The following ANO3 variants were observed in gnomAD, a reference collection of about 807,000 sequenced individuals.
The protein encoded by ANO3 is anoctamin 3.
Under a neutral mutation model 144.8 loss-of-function variants are expected in ANO3, and 99 were observed. The ratio of observed to expected loss-of-function variants is 0.68; its 90% confidence interval spans 0.58 to 0.81. The LOEUF is 0.81. Ranked by LOEUF, ANO3 falls within the 30% of genes least tolerant of loss-of-function variation. ANO3 has a pLI of 0.00. For synonymous variants in ANO3, 414 were observed against 392.6 expected, an observed-to-expected ratio of 1.05 and a Z score of -0.64; for missense variants, 905 against 1,202.2, an observed-to-expected ratio of 0.75 and a Z score of 3.66.
At chr11:26,536,970 TAC>T (rs1269522144) in intron 9 of ANO3, among the ~76,000 whole-genome samples, 2 of 152,050 alleles carry the variant, frequency 1.3e-5, no homozygotes, top group African/African-American at 2.4e-5. Flanking sequence ...TTTGGTATTA[TAC>T]AGTTAAGTAT....
chr11:26,646,974 T>G (rs1853364119), intron 23 of ANO3, among the ~76,000 whole-genome samples: 1 of 152,172 alleles, frequency 6.6e-6, no homozygotes, highest in South Asian at 2.1e-4. Flanking sequence ...ATAAAAATTT[T>G]GAAATGCCAA....
At chr11:26,545,126 T>C (rs1849754332) in intron 11 of ANO3, among the ~76,000 whole-genome samples, 1 of 152,070 alleles carries the variant, frequency 6.6e-6, no homozygotes. Context: ...AATTTGTAAC[T>C]ACTTATTTTG....
chr11:26,640,754 G>T, intron 21 of ANO3, among the ~76,000 whole-genome samples: 1 of 152,062 alleles, frequency 6.6e-6, no homozygotes, highest in Non-Finnish European at 1.5e-5. Flanking sequence ...CCGATATCTA[G>T]GAAAAGGCTT....
At chr11:26,423,130 C>G (rs1241077428) in intron 1 of ANO3, among the ~76,000 whole-genome samples, 1 of 151,748 alleles carries the variant, frequency 6.6e-6, no homozygotes, top group Non-Finnish European at 1.5e-5. Flanking sequence ...TCTGGACTTT[C>G]TTATGTGCCT....
intron 1 of ANO3, among the ~76,000 whole-genome samples, chr11:26,295,515 C>CAAA (rs71047842): frequency 0.016 from 1,075 of 66,020 alleles, 36 homozygotes; most frequent in African/African-American, 0.041. Flanking sequence ...GACTCTGTCT[C>CAAA]AAAAAAAAAA....
At chr11:26,556,850 A>G (rs72875989) in intron 13 of ANO3, among the ~76,000 whole-genome samples, 29,272 of 151,936 alleles carry the variant, frequency 0.19, 2,869 homozygotes, top group South Asian at 0.26. Flanking sequence ...GAATCTGCCA[A>G]GGAGGCACCT....
intron 1 of ANO3, among the ~76,000 whole-genome samples, chr11:26,355,566 C>CT (rs1400516827): frequency 2.8e-4 from 40 of 145,058 alleles, no homozygotes; most frequent in Admixed American, 2.1e-3. Context: ...TTCTTTCTTT[C>CT]TTTTTTTTTT....
chr11:26,340,014 T>C (rs1855312910), intron 1 of ANO3, among the ~76,000 whole-genome samples: 1 of 152,190 alleles, frequency 6.6e-6, no homozygotes, highest in Non-Finnish European at 1.5e-5. Flanking sequence ...GTTGGCCTGC[T>C]GAGGAGAGAG....
chr11:26,611,556 T>C (rs1266378164), intron 17 of ANO3, among the ~76,000 whole-genome samples: 1 of 152,224 alleles, frequency 6.6e-6, no homozygotes, highest in African/African-American at 2.4e-5. Context: ...ATGTTCTATA[T>C]GCAGTTGAGA....
chr11:26,216,368 A>G (rs1042372765), intron 1 of ANO3, among the ~76,000 whole-genome samples: 5 of 151,888 alleles, frequency 3.3e-5, no homozygotes, highest in African/African-American at 1.2e-4. Flanking sequence ...CCATCTCTAT[A>G]ATTTTTCCAT....
chr11:26,417,924 A>G (rs1338044392), intron 1 of ANO3, among the ~76,000 whole-genome samples: 1 of 152,126 alleles, frequency 6.6e-6, no homozygotes, highest in Non-Finnish European at 1.5e-5. Context: ...ATGGCTTTTC[A>G]AAATACCAAA....
intron 1 of ANO3, among the ~76,000 whole-genome samples, chr11:26,289,485 CATT>C (rs1225247064): frequency 7.5e-5 from 11 of 147,406 alleles, no homozygotes; most frequent in East Asian, 4.0e-4. Context: ...TTTTCATATA[CATT>C]ATTACCTTTG....
chr11:26,523,943 A>T (rs934766163), intron 6 of ANO3, among the ~76,000 whole-genome samples: 6 of 152,060 alleles, frequency 3.9e-5, no homozygotes, highest in Admixed American at 6.5e-5. Context: ...ATGTCCCTGG[A>T]TTTATTTGAT....
At chr11:26,586,755 G>A (rs2132876715) in intron 14 of ANO3, among the ~76,000 whole-genome samples, 1 of 147,034 alleles carries the variant, frequency 6.8e-6, no homozygotes, top group Middle Eastern at 3.6e-3. Flanking sequence ...ACTTGACTCG[G>A]CCTCCCAAAC....
At chr11:26,643,373 A>G in intron 23 of ANO3, 39 bp downstream of exon 23, 1 of 1,609,250 alleles carries the variant, frequency 6.2e-7, no homozygotes, top group Non-Finnish European at 8.5e-7. Flanking sequence ...CGTTGCTAAC[A>G]CCAATAGGTT....
intron 1 of ANO3, among the ~76,000 whole-genome samples, chr11:26,280,536 GTCT>G (rs1474038416): frequency 6.6e-6 from 1 of 152,146 alleles, no homozygotes; most frequent in East Asian, 1.9e-4. Flanking sequence ...AACAAGTCTA[GTCT>G]TCTCACGTTC....
chr11:26,272,788 A>G (rs779879194), intron 1 of ANO3, among the ~76,000 whole-genome samples: 33 of 152,184 alleles, frequency 2.2e-4, no homozygotes, highest in Admixed American at 1.8e-3. Context: ...CACAAAGGAC[A>G]TTTATTAATA....
intron 1 of ANO3, among the ~76,000 whole-genome samples, chr11:26,397,530 G>A (rs1371432527): frequency 6.6e-6 from 1 of 152,020 alleles, no homozygotes; most frequent in African/African-American, 2.4e-5. Context: ...TTGAAAGAAT[G>A]TCACAATATT....
Position 26,332,212 on chromosome 11 carries a change from GC to G in ANO3, c.-63del. 1 of 1,613,938 alleles carries G rather than the reference GC, an allele frequency of 6.2e-7. No homozygotes were observed. Among genetic ancestry groups the G allele is most frequent in the Non-Finnish European group, 8.5e-7 (1 of 1,179,904 alleles). The stretch of plus-strand genomic sequence containing the variant: ...CGGACCTTGGAGCGTCTAGAGTCTG[GC>G]TACTGTTCCTCCGCCTCCCTCTCGG... On this transcript the variant is annotated 5_prime_UTR_variant, in exon 1 of 27. Transcript: ENST00000256737.
Sources: gnomAD v4.1 joint callset for allele counts (sites outside exome capture counted in the v4.1 genomes callset) on GRCh38, gnomAD v4.1.1 for gene constraint, MANE v1.5 for transcripts, NCBI Gene and HGNC (gene_info 2026-07-23, HGNC 2026-07-21) for gene names.